The following HELLS variants were observed in gnomAD, a reference collection of about 807,000 sequenced individuals.
The protein encoded by HELLS is helicase, lymphoid specific.
Under a neutral mutation model 120.0 loss-of-function variants are expected in HELLS, and 32 were observed. The ratio of observed to expected loss-of-function variants is 0.27; its 90% confidence interval spans 0.20 to 0.36. The LOEUF (loss-of-function observed/expected upper bound fraction) is 0.36, where lower values mean the gene tolerates loss of function less well. Among genes scored for constraint, HELLS ranks in the 10% least tolerant of loss-of-function variants. The pLI is 1.00. For missense variants in HELLS, 650 were observed against 993.4 expected (o/e 0.65, Z 4.65); for synonymous variants, 341 against 323.4 (o/e 1.05, Z -0.58).
Position 94,582,982 on chromosome 10 carries a change from A to G in HELLS, c.1249A>G (p.Ile417Val). The G allele has an allele frequency of 6.2e-7, 1 of 1,601,216 alleles. No homozygotes were observed. The stretch of plus-strand genomic sequence containing the variant: ...TTCCAGCTTTGAGTCTTGGTTTGAC[A>G]TCACTAGTCTTTCTGAAACTGCTGA... ...DLKSFESWFD[I>V]TSLSETAEDI... The change falls in exon 12 of 22, where the codon ATC (isoleucine) becomes GTC (valine). Residue 417 changes from isoleucine to valine, a missense_variant. Ile to Val is a conservative substitution (Grantham distance 29). Transcript: ENST00000348459.
chr10:94,557,636 G>T (rs1843333907), intron 3 of HELLS, among the ~76,000 whole-genome samples: 1 of 152,164 alleles, frequency 6.6e-6, no homozygotes, highest in African/African-American at 2.4e-5. Context: ...CTCTTCTCCT[G>T]GCCTTGGTTA....
At position 94,565,107 on chromosome 10, in the gene HELLS, C is replaced by T. The variant is rs187321863; in HGVS notation, c.435+2231C>T. On this transcript the variant is annotated intron_variant, in intron 6 of 21. Transcript: ENST00000348459. The stretch of plus-strand genomic sequence containing the variant: ...ATCCCAGCATTTTGGGAGGCTGAGG[C>T]GGGTGGATCCCGTGAGGCCAGGAGT... Among the ~76,000 whole-genome samples the T allele has an allele frequency of 1.6e-3, 238 of 152,276 alleles. 1 individual carries two copies. The highest frequency in any genetic ancestry group is 2.7e-3 in the Non-Finnish European group (187 of 68,002).
intron 2 of HELLS, among the ~76,000 whole-genome samples, chr10:94,549,982 G>A (rs1314214028): frequency 1.3e-5 from 2 of 152,060 alleles, no homozygotes; most frequent in Admixed American, 6.6e-5. Flanking sequence ...GTGCAATGGC[G>A]CAGTCTCGGC....
chr10:94,613,765 T>C (rs1265034964), exon 10 of HELLS: 1 of 152,120 alleles, frequency 6.6e-6, no homozygotes, highest in African/African-American at 2.4e-5. Context: ...GAGTATATTG[T>C]TGCATCTTTG....
chr10:94,588,367 G>T lies in HELLS; in HGVS notation c.1465G>T (p.Ala489Ser). The T allele has an allele frequency of 6.2e-7, 1 of 1,605,370 alleles. No homozygotes were observed. The highest frequency in any genetic ancestry group is 8.5e-7 in the Non-Finnish European group (1 of 1,176,156). The change falls in exon 13 of 22, where the codon GCA (alanine) becomes TCA (serine). Residue 489 changes from alanine to serine, a missense_variant. Physicochemically the swap from Ala to Ser is moderately conservative, Grantham distance 99 (BLOSUM62 1). Transcript: ENST00000348459. ...FYTAIVNRTI[A>S]NMFGSSEKET... ...TACAGCCATTGTGAACCGTACAATT[G>T]CAAACATGTTTGGATCCAGTGAGGT...
At chr10:94,553,169 C>A (rs1843066508) in intron 2 of HELLS, among the ~76,000 whole-genome samples, 1 of 151,990 alleles carries the variant, frequency 6.6e-6, no homozygotes, top group East Asian at 1.9e-4. Context: ...CAAAATTAAT[C>A]AAAAATTTTC....
At chr10:94,591,527 CT>C (rs1367600159) in intron 15 of HELLS, among the ~76,000 whole-genome samples, 7 of 152,142 alleles carry the variant, frequency 4.6e-5, no homozygotes. Context: ...CCAGATAATT[CT>C]TTCTTAGGAG....
exon 10 of HELLS, chr10:94,612,292 A>G (rs1232775801): frequency 6.6e-6 from 1 of 152,214 alleles, no homozygotes; most frequent in Admixed American, 6.5e-5. Context: ...TATGTATTAT[A>G]ATGGATTTGA....
chr10:94,570,286 T>A (rs1844075851), intron 6 of HELLS: 1 of 152,140 alleles, frequency 6.6e-6, no homozygotes, highest in South Asian at 2.1e-4. Context: ...TCATTGGTGG[T>A]ATTTATAGAT....
chr10:94,598,367 C>T (rs148349668), intron 21 of HELLS, among the ~76,000 whole-genome samples: 27 of 152,226 alleles, frequency 1.8e-4, no homozygotes, highest in Admixed American at 7.2e-4. Flanking sequence ...GACTATAGCT[C>T]ATTGCAGCCT....
intron 2 of HELLS, chr10:94,551,100 G>T (rs1391125389): frequency 6.6e-6 from 1 of 152,164 alleles, no homozygotes; most frequent in Non-Finnish European, 1.5e-5. Flanking sequence ...AATAGTAAAA[G>T]AAATTCTGTC....
intron 21 of HELLS, among the ~76,000 whole-genome samples, chr10:94,600,906 A>G (rs1846003887): frequency 1.3e-5 from 2 of 152,154 alleles, no homozygotes; most frequent in Non-Finnish European, 1.5e-5. Context: ...TTTGCAACAT[A>G]TAACAGGAAG....
rs775553537 is a variant in HELLS, at chr10:94,596,815, GT to G, written c.2249-41del. The stretch of plus-strand genomic sequence containing the variant: ...TTGGTTTGTAATATGTTGTATTGTA[GT>G]TTTAAAAGGAATTTTAATGTTTTTA... On this transcript the variant is annotated intron_variant, in intron 19 of 21. Transcript: ENST00000348459. The G allele has an allele frequency of 1.4e-5, 14 of 1,026,460 alleles. No individual in the cohort carries two copies. The East Asian group carries it at 3.3e-4, about 24-fold the overall frequency. 63.6% of individuals were successfully genotyped at this position (1,026,460 alleles called of 1,614,324 possible).
intron 13 of HELLS, 23 bp downstream of exon 13, chr10:94,588,413 T>C (rs534569950): frequency 4.7e-6 from 7 of 1,494,334 alleles, no homozygotes; most frequent in African/African-American, 4.3e-5. Context: ...TGAAATGTAC[T>C]GTAAATGAAA....
intron 10 of HELLS, 137 bp from the exon 11 acceptor site, chr10:94,581,189 A>C: frequency 1.9e-6 from 1 of 521,596 alleles, no homozygotes. Flanking sequence ...AAACATGATC[A>C]TTTCAGTAGT....
rs971228637 is a variant in HELLS at position 94,590,358 on chromosome 10, G to T, written c.1489-55G>T. The T allele has an allele frequency of 7.6e-6, 11 of 1,444,046 alleles. No individual in the cohort carries two copies. The African/African-American group carries it at 1.3e-4, about 17-fold the overall frequency. 89.5% of individuals were successfully genotyped at this position (1,444,046 alleles called of 1,614,324 possible). A position where few individuals can be genotyped will look rare whatever the true frequency, so the allele number is the denominator to read the frequency against. On this transcript the variant is annotated intron_variant, in intron 13 of 21. Transcript: ENST00000348459. ...ATATGCCTTATTTTGTTTACATTTA[G>T]AACCTAAGGACATAGCTTTATAAAC... is the stretch of plus-strand genomic sequence containing the variant.
rs370163100 is a variant in HELLS, at chr10:94,558,215, T to C, written c.333+20T>C. 5.2e-6 allele frequency: 8 copies of C among 1,542,504 alleles called. No individual in the cohort carries two copies. Among genetic ancestry groups the C allele is most frequent in the Non-Finnish European group, 6.9e-6 (8 of 1,153,406 alleles). ...AAAAAGGTAATATAGCCAGCCGGAA[T>C]ATTTTTTATGTCATTTAAATATTGA... On this transcript the variant is annotated intron_variant, in intron 4 of 21. Coordinates refer to ENST00000348459, the MANE Select transcript of HELLS (RefSeq NM_018063.5).
At chr10:94,599,221 A>T (rs1028411590) in intron 21 of HELLS, among the ~76,000 whole-genome samples, 1 of 152,198 alleles carries the variant, frequency 6.6e-6, no homozygotes, top group Non-Finnish European at 1.5e-5. Context: ...ATATTAAAAA[A>T]CAACATTATG....
chr10:94,594,634 A>G, intron 18 of HELLS, 61 bp from the exon 19 acceptor site: 1 of 1,285,540 alleles, frequency 7.8e-7, no homozygotes, highest in Non-Finnish European at 1.1e-6. Flanking sequence ...CTTTATCCAC[A>G]TGAGTTTATG....
Sources: allele counts gnomAD v4.1 joint callset (sites outside exome capture counted in the v4.1 genomes callset), GRCh38; gene constraint gnomAD v4.1.1; transcripts MANE v1.5; gene names NCBI Gene and HGNC (gene_info 2026-07-23, HGNC 2026-07-21).